The following TMC1 variants were observed in gnomAD, a reference collection of about 807,000 sequenced individuals.
TMC1 encodes transmembrane channel-like protein 1.
In TMC1, 84 loss-of-function variants were observed where a neutral mutation model predicts 105.8. The ratio of observed to expected loss-of-function variants is 0.79; its 90% confidence interval spans 0.67 to 0.95. The LOEUF is 0.95. Among genes scored for constraint, TMC1 ranks in the 40% least tolerant of loss-of-function variants. TMC1 has a pLI of 0.00. For missense variants in TMC1, 817 were observed against 914.1 expected (o/e 0.89, Z 1.37); for synonymous variants, 315 against 311.5 (o/e 1.01, Z -0.12).
intron 5 of TMC1, among the ~76,000 whole-genome samples, chr9:72,664,173 C>T (rs560162048): frequency 1.3e-5 from 2 of 152,282 alleles, no homozygotes; most frequent in African/African-American, 2.4e-5. Flanking sequence ...TAAATAAATA[C>T]AGCAGTAACA....
intron 5 of TMC1, among the ~76,000 whole-genome samples, chr9:72,665,385 G>A (rs1402345946): frequency 6.6e-6 from 1 of 152,214 alleles, no homozygotes; most frequent in Non-Finnish European, 1.5e-5. Context: ...AGAAAAAAAG[G>A]TTGGACTCTG....
chr9:72,652,352 T>TA, intron 5 of TMC1, among the ~76,000 whole-genome samples: 1 of 152,176 alleles, frequency 6.6e-6, no homozygotes, highest in Non-Finnish European at 1.5e-5. Context: ...ATCTGTGAGT[T>TA]AAAGTTTCTA....
At chr9:72,738,284 A>G (rs1424867388) in intron 8 of TMC1, among the ~76,000 whole-genome samples, 1 of 152,104 alleles carries the variant, frequency 6.6e-6, no homozygotes, top group African/African-American at 2.4e-5. Context: ...CAGGTGAGTA[A>G]TGAGGCCCCA....
intron 1 of TMC1, among the ~76,000 whole-genome samples, chr9:72,542,544 C>T (rs756472714): frequency 1.5e-4 from 23 of 151,778 alleles, no homozygotes; most frequent in Admixed American, 2.6e-4. Context: ...CACTTGAACC[C>T]GGGAGGCAGA....
chr9:72,835,841 C>A lies in TMC1; in HGVS notation c.2261-110C>A, dbSNP rs1370094829. ...GGACAATACAGATTTCTGGCCACCT[C>A]ATTCAGAACCATTAAGCACACTGAA... On this transcript the variant is annotated intron_variant, in intron 23 of 23. Coordinates refer to ENST00000297784, the MANE Select transcript of TMC1 (RefSeq NM_138691.3). The A allele has an allele frequency of 4.8e-6, 6 of 1,247,280 alleles. No individual in the cohort carries two copies. The African/African-American group carries it at 9.1e-5, about 19-fold the overall frequency. The allele number at this position is 1,247,280 out of a possible 1,614,324, so 77.3% of individuals were successfully genotyped here. A position where few individuals can be genotyped will look rare whatever the true frequency, so the allele number is the denominator to read the frequency against.
chr9:72,530,912 C>T (rs1042035471), intron 1 of TMC1, among the ~76,000 whole-genome samples: 1 of 151,012 alleles, frequency 6.6e-6, no homozygotes, highest in African/African-American at 2.4e-5. Context: ...GATCTGCATC[C>T]CGAGTTCACA....
intron 2 of TMC1, among the ~76,000 whole-genome samples, chr9:72,611,274 T>C (rs926170619): frequency 3.3e-5 from 5 of 152,006 alleles, no homozygotes; most frequent in Non-Finnish European, 5.9e-5. Context: ...TGAAGAAGAG[T>C]TGGTCAAAGA....
chr9:72,537,924 T>A (rs1823610053), intron 1 of TMC1, among the ~76,000 whole-genome samples: 1 of 151,938 alleles, frequency 6.6e-6, no homozygotes, highest in Non-Finnish European at 1.5e-5. Context: ...GAGGCTGAGG[T>A]GGTCAGATTG....
At chr9:72,644,465 T>C (rs1479363797) in intron 4 of TMC1, among the ~76,000 whole-genome samples, 1 of 152,166 alleles carries the variant, frequency 6.6e-6, no homozygotes, top group African/African-American at 2.4e-5. Flanking sequence ...GAAGATTTTT[T>C]TTTAATATGT....
chr9:72,696,022 T>G (rs184272160), intron 7 of TMC1, among the ~76,000 whole-genome samples: 48 of 152,344 alleles, frequency 3.2e-4, no homozygotes, highest in African/African-American at 1.1e-3. Flanking sequence ...AAGCTTATGC[T>G]TTCCAACAGT....
At chr9:72,758,200 G>T (rs1328472373) in intron 12 of TMC1, among the ~76,000 whole-genome samples, 1 of 152,154 alleles carries the variant, frequency 6.6e-6, no homozygotes, top group African/African-American at 2.4e-5. Flanking sequence ...CAGCAGGAAA[G>T]ATAGGTTGAT....
At chr9:72,712,839 T>G (rs1291718655) in intron 8 of TMC1, among the ~76,000 whole-genome samples, 1 of 152,234 alleles carries the variant, frequency 6.6e-6, no homozygotes, top group East Asian at 1.9e-4. Flanking sequence ...CATCCTTGTC[T>G]TATGCTGGTT....
intron 5 of TMC1, among the ~76,000 whole-genome samples, chr9:72,669,201 C>T (rs992845172): frequency 1.7e-4 from 26 of 152,106 alleles, no homozygotes; most frequent in Middle Eastern, 3.4e-3. Context: ...CCCAGATACC[C>T]GGGAAGCTGA....
intron 5 of TMC1, among the ~76,000 whole-genome samples, chr9:72,686,001 C>G (rs1272672414): frequency 1.3e-4 from 20 of 152,176 alleles, no homozygotes; most frequent in Non-Finnish European, 2.8e-4. Context: ...CTGAACGACT[C>G]CTATGCCTCT....
chr9:72,569,844 G>C (rs1298660492), intron 1 of TMC1, among the ~76,000 whole-genome samples: 1 of 152,156 alleles, frequency 6.6e-6, no homozygotes, highest in African/African-American at 2.4e-5. Flanking sequence ...TTGTGGTTCT[G>C]GCTGATCCCC....
At chr9:72,611,157 G>A (rs1405685733) in intron 2 of TMC1, among the ~76,000 whole-genome samples, 4 of 152,070 alleles carry the variant, frequency 2.6e-5, no homozygotes, top group South Asian at 2.1e-4. Context: ...AAATGTTGTC[G>A]GCTTTCTACA....
intron 20 of TMC1, among the ~76,000 whole-genome samples, chr9:72,824,793 G>A (rs117969032): frequency 0.024 from 3,592 of 152,306 alleles, 56 homozygotes; most frequent in Middle Eastern, 0.051. Flanking sequence ...TGAATCAGAG[G>A]AAAGTGCGCC....
At chr9:72,681,337 A>G (rs1826282843) in intron 5 of TMC1, among the ~76,000 whole-genome samples, 1 of 152,140 alleles carries the variant, frequency 6.6e-6, no homozygotes, top group South Asian at 2.1e-4. Flanking sequence ...TTTCATAACC[A>G]CAGAGGGCTC....
chr9:72,806,612 C>G (rs1465668150), intron 18 of TMC1, among the ~76,000 whole-genome samples: 1 of 151,380 alleles, frequency 6.6e-6, no homozygotes, highest in African/African-American at 2.4e-5. Context: ...ATGCTCCTCA[C>G]CTCCCAGACG....
Sources: gnomAD v4.1 joint callset for allele counts (sites outside exome capture counted in the v4.1 genomes callset) on GRCh38, gnomAD v4.1.1 for gene constraint, MANE v1.5 for transcripts, NCBI Gene and HGNC (gene_info 2026-07-23, HGNC 2026-07-21) for gene names.